EIF2B4: variants seen among roughly 807,000 people sequenced by gnomAD.
The protein encoded by EIF2B4 is translation initiation factor eIF2B subunit delta.
Under a neutral mutation model 66.7 loss-of-function variants are expected in EIF2B4, and 34 were observed. That is an observed-to-expected ratio of 0.51 (90% CI 0.39 to 0.68). EIF2B4 has a LOEUF of 0.68. Ranked by LOEUF, EIF2B4 falls within the 30% of genes least tolerant of loss-of-function variation. The pLI, the probability that EIF2B4 is intolerant of heterozygous loss-of-function variation, is 0.00. For synonymous variants in EIF2B4, 278 were observed against 253.6 expected (o/e 1.10, Z -0.92); for missense variants, 618 against 657.9 (o/e 0.94, Z 0.66).
rs555801578 is a variant in EIF2B4, at chr2:27,366,742, T to A, written c.1191+17A>T. ...CTTTTCACCGCCAACTTTGGAGTCC[T>A]TTTCCTCTGTACTTACCTCTGGGAG... On this transcript the variant is annotated intron_variant, in intron 11 of 12. Coordinates refer to ENST00000347454, the MANE Select transcript of EIF2B4 (RefSeq NM_001034116.2). 16 of 1,613,898 alleles carry A rather than the reference T, an allele frequency of 9.9e-6. No individual in the cohort carries two copies. The Admixed American group carries it at 1.0e-4, about 10-fold the overall frequency.
chr2:27,370,328 A>G lies in EIF2B4; in HGVS notation c.-14T>C. ...CACAGCAGCCATCGCCCTCAGTCCTAGGCTCCGCCCGCCGTGGTCACGGAG... is the reference window on the plus strand; with the variant it reads ...CACAGCAGCCATCGCCCTCAGTCCTGGGCTCCGCCCGCCGTGGTCACGGAG... On this transcript the variant is annotated 5_prime_UTR_variant, in exon 1 of 13. Coordinates refer to ENST00000347454, the MANE Select transcript of EIF2B4 (RefSeq NM_001034116.2). 6.5e-7 allele frequency: 1 copy of G among 1,541,120 alleles called. No homozygotes were observed. The highest frequency in any genetic ancestry group is 2.4e-5 in the East Asian group (1 of 40,912).
In EIF2B4 at chr2:27,369,507, G is replaced by A; in HGVS notation, c.118C>T (p.Arg40Trp). The A allele has an allele frequency of 2.5e-6, 4 of 1,614,012 alleles. No individual in the cohort carries two copies. The highest frequency in any genetic ancestry group is 2.2e-5 in the East Asian group (1 of 44,876). Residue 40 changes from arginine to tryptophan, a missense_variant, in exon 3 of 13, where the codon CGG becomes TGG. Physicochemically the swap from Arg to Trp is moderately radical, Grantham distance 101 (BLOSUM62 -3). Coordinates refer to ENST00000347454, the MANE Select transcript of EIF2B4 (RefSeq NM_001034116.2). ...TTCTTCTGCTGTTTCTTTTCCTTCC[G>A]AAGCTGCAGCTTTTCTTCTTTGGTC... Reference protein sequence around the residue: ...EMTKEEKLQLRKEKKQQKKKR... With the variant: ...EMTKEEKLQLWKEKKQQKKKR...
At position 27,368,073 on chromosome 2, in the gene EIF2B4, G is replaced by T; in HGVS notation, c.657C>A (p.Val219=). ...RLGLQYSQGL[V]SGSNARCIAL... Reference sequence around the variant, plus strand: ...CAATACACCGGGCATTGGAGCCACTGACCAGGCCCTGGGAGTACTGCAGGC... The same window carrying T: ...CAATACACCGGGCATTGGAGCCACTTACCAGGCCCTGGGAGTACTGCAGGC... The change falls in exon 7 of 13, where the codon GTC becomes GTA. Residue 219 remains valine, a synonymous_variant. Coordinates refer to ENST00000347454, the MANE Select transcript of EIF2B4 (RefSeq NM_001034116.2). 6.2e-7 allele frequency: 1 copy of T among 1,600,052 alleles called. No individual in the cohort carries two copies. The highest frequency in any genetic ancestry group is 1.1e-5 in the South Asian group (1 of 88,638).
At chr2:27,369,601 C>A in intron 2 of EIF2B4, 52 bp from the exon 3 acceptor site, 1 of 1,612,416 alleles carries the variant, frequency 6.2e-7, no homozygotes, top group Non-Finnish European at 8.5e-7. Flanking sequence ...CAAAGGGGAA[C>A]AAATACTATT....
chr2:27,367,525 T>G lies in EIF2B4; in HGVS notation c.817A>C (p.Met273Leu). The change falls in exon 9 of 13, where the codon ATG becomes CTG. Residue 273 changes from methionine to leucine, a missense_variant. By Grantham distance (15) the Met-to-Leu change is conservative. Around this residue, in one of 4 missense-constraint regions of EIF2B4, gnomAD observed 506 missense variants for 511.9 expected, o/e 0.99. Coordinates refer to ENST00000347454, the MANE Select transcript of EIF2B4 (RefSeq NM_001034116.2). The part of the protein sequence containing the change: ...LTQCRPLSAS[M>L]HNAIKFLNKE... Reference sequence around the variant, plus strand: ...TTAAGGAACTTGATGGCGTTGTGCATGCTCGCTGACAGGGGACGGCACTGA... The same window carrying G: ...TTAAGGAACTTGATGGCGTTGTGCAGGCTCGCTGACAGGGGACGGCACTGA... 1.9e-6 allele frequency: 3 copies of G among 1,614,168 alleles called. No homozygotes were observed. The highest frequency in any genetic ancestry group is 2.5e-6 in the Non-Finnish European group (3 of 1,180,040).
In EIF2B4 at chr2:27,364,753, C is replaced by T. The variant is rs767391188; in HGVS notation, c.1337G>A (p.Arg446His). The part of the protein sequence containing the change: ...VCCETYKFCE[R>H]VQTDAFVSNE... The stretch of plus-strand genomic sequence containing the variant: ...AGAGACAAAGGCATCAGTCTGCACA[C>T]GCTCACAGAACTTGTATGTTTCACA... Residue 446 changes from arginine (R) to histidine (H), a missense_variant, in exon 12 of 13, where the codon CGT becomes CAT. By Grantham distance (29) the Arg-to-His change is conservative. Transcript: ENST00000347454. The T allele has an allele frequency of 4.3e-6, 7 of 1,614,104 alleles. No homozygotes were observed. Among genetic ancestry groups the T allele is most frequent in the East Asian group, 4.5e-5 (2 of 44,904 alleles).
chr2:27,367,696 C>T (rs761590118), intron 8 of EIF2B4, 50 bp downstream of exon 8: 21 of 1,592,682 alleles, frequency 1.3e-5, no homozygotes, highest in Admixed American at 3.3e-5. Context: ...AAAAAGAGTA[C>T]AAGACAAAGA....
intron 1 of EIF2B4, 98 bp downstream of exon 1, chr2:27,370,186 A>T: frequency 6.5e-7 from 1 of 1,543,882 alleles, no homozygotes; most frequent in South Asian, 1.2e-5. Flanking sequence ...TGGCGCTGGA[A>T]CGGAGCGGCG....
At chr2:27,368,891 A>C in intron 4 of EIF2B4, 115 bp downstream of exon 4, 1 of 1,468,268 alleles carries the variant, frequency 6.8e-7, no homozygotes, top group Non-Finnish European at 9.5e-7. Context: ...GGTTGCAGGA[A>C]CAATTCAGAA....
intron 6 of EIF2B4, 112 bp from the exon 7 acceptor site, chr2:27,368,251 A>G: frequency 7.7e-7 from 1 of 1,304,610 alleles, no homozygotes; most frequent in Non-Finnish European, 1.1e-6. Flanking sequence ...ACTCCTCTAC[A>G]GTTCTGCCTT....
In EIF2B4 at chr2:27,370,310, G is replaced by C; in HGVS notation, c.5C>G (p.Ala2Gly). 6.5e-7 allele frequency: 1 copy of C among 1,544,258 alleles called. No homozygotes were observed. Among genetic ancestry groups the C allele is most frequent in the Non-Finnish European group, 8.7e-7 (1 of 1,147,470 alleles). ...CTCGCGAACAGCCACGGCCACAGCAGCCATCGCCCTCAGTCCTAGGCTCCG... is the reference window on the plus strand; with the variant it reads ...CTCGCGAACAGCCACGGCCACAGCACCCATCGCCCTCAGTCCTAGGCTCCG... Reference protein sequence around the residue: MAAVAVAVREDS... With the variant: MGAVAVAVREDS... The change falls in exon 1 of 13, where the codon GCT becomes GGT. Residue 2 changes from alanine to glycine, a missense_variant. This residue lies in a region of EIF2B4 where 506 missense variants were observed against 511.9 expected (regional missense o/e 0.99). Transcript: ENST00000347454.
intron 10 of EIF2B4, 67 bp from the exon 11 acceptor site, chr2:27,367,003 G>C: frequency 6.2e-7 from 1 of 1,613,972 alleles, no homozygotes; most frequent in Non-Finnish European, 8.5e-7. Context: ...TATTCCCAAA[G>C]GCAAGTGGGT....
At position 27,364,496 on chromosome 2, in the gene EIF2B4, A is replaced by C. The variant is rs1285304842; in HGVS notation, c.1476T>G (p.Thr492=). ...TCACCAGATCCACAAGCTCTGGGGG[A>C]GTCACATCATAGACTAGATTCAACA... ...LRLLNLVYDV[T]PPELVDLVIT... The change falls in exon 13 of 13, where the codon ACT becomes ACG. Residue 492 remains threonine, a synonymous_variant. Transcript: ENST00000347454. The C allele has an allele frequency of 1.2e-6, 2 of 1,613,984 alleles. No homozygotes were observed. The highest frequency in any genetic ancestry group is 1.3e-5 in the African/African-American group (1 of 74,876).
chr2:27,369,365 C>A (rs780646986), intron 3 of EIF2B4, 49 bp downstream of exon 3: 1 of 1,613,202 alleles, frequency 6.2e-7, no homozygotes, highest in Non-Finnish European at 8.5e-7. Context: ...CCACCACATC[C>A]CTCTACCAGC....
rs137963149 is a variant in EIF2B4 at position 27,369,877 on chromosome 2, C to A, written c.74G>T (p.Gly25Val). The A allele has an allele frequency of 4.4e-5, 69 of 1,580,438 alleles. 1 individual carries two copies. The African/African-American group carries it at 7.7e-4, about 18-fold the overall frequency. ...GCTTGGGAGGGAAGCCTCACTTACC[C>A]CAGGCCCAGGGGGAAGCTCCGCCTT... ...GMKAELPPGP[G>V]AVGREMTKEE... Residue 25 changes from glycine (G) to valine (V), a missense_variant and splice_region_variant, in exon 2 of 13, where the codon GGG becomes GTG. Coordinates refer to ENST00000347454, the MANE Select transcript of EIF2B4 (RefSeq NM_001034116.2).
At position 27,369,038 on chromosome 2, in the gene EIF2B4, G is replaced by A. The variant is rs149520370; in HGVS notation, c.386C>T (p.Ala129Val). The change falls in exon 4 of 13, where the codon GCC becomes GTC. Residue 129 changes from alanine to valine, a missense_variant. This residue lies in a region of EIF2B4 where 506 missense variants were observed against 511.9 expected (regional missense o/e 0.99). Transcript: ENST00000347454. ...KGEQGGPPPK[A>V]SPSTAGETPS... ...GGTTTCTCCAGCTGTGCTGGGGCTGGCCTTAGGAGGTGGTCCTCCTTGTTC... is the reference window on the plus strand; with the variant it reads ...GGTTTCTCCAGCTGTGCTGGGGCTGACCTTAGGAGGTGGTCCTCCTTGTTC... 12 of 1,614,118 alleles carry A rather than the reference G, an allele frequency of 7.4e-6. No homozygotes were observed. The highest frequency in any genetic ancestry group is 1.0e-5 in the Non-Finnish European group (12 of 1,180,016).
rs1167111337 is a variant in EIF2B4, at chr2:27,364,515, T to C, written c.1457A>G (p.Asn486Ser). 9 of 1,614,052 alleles carry C rather than the reference T, an allele frequency of 5.6e-6. No homozygotes were observed. Among genetic ancestry groups the C allele is most frequent in the African/African-American group, 4.0e-5 (3 of 74,898 alleles). Residue 486 changes from asparagine (N) to serine (S), a missense_variant, in exon 13 of 13, where the codon AAT becomes AGT. Physicochemically the swap from Asn to Ser is conservative, Grantham distance 46. Around this residue, in one of 4 missense-constraint regions of EIF2B4, gnomAD observed 63 missense variants for 47.5 expected, o/e 1.33. Coordinates refer to ENST00000347454, the MANE Select transcript of EIF2B4 (RefSeq NM_001034116.2). ...TGGGGGAGTCACATCATAGACTAGATTCAACAACCGTAGGGATGCGTGGTT... is the reference window on the plus strand; with the variant it reads ...TGGGGGAGTCACATCATAGACTAGACTCAACAACCGTAGGGATGCGTGGTT... ...WQNHASLRLL[N>S]LVYDVTPPEL...
At chr2:27,368,572 C>T (rs1297966795) in intron 5 of EIF2B4, 82 bp downstream of exon 5, 2 of 1,580,048 alleles carry the variant, frequency 1.3e-6, no homozygotes, top group Admixed American at 1.7e-5. Flanking sequence ...ACCTATCCTT[C>T]TCACTTTGCA....
intron 4 of EIF2B4, 36 bp from the exon 5 acceptor site, chr2:27,368,769 G>C (rs1682067915): frequency 6.2e-7 from 1 of 1,602,988 alleles, no homozygotes; most frequent in Non-Finnish European, 8.5e-7. Context: ...GGACACTGTA[G>C]GTCTTGAAAT....
Sources: gnomAD v4.1 joint callset for allele counts on GRCh38, gnomAD v4.1.1 for gene constraint, gnomAD v4.1.1 regional missense constraint, MANE v1.5 for transcripts, NCBI Gene and HGNC (gene_info 2026-07-23, HGNC 2026-07-21) for gene names.